ACBD5: variants seen among roughly 807,000 people sequenced by gnomAD.
ACBD5 encodes acyl-CoA binding domain containing 5.
In ACBD5, 40 loss-of-function variants were observed where a neutral mutation model predicts 71.8. That is an observed-to-expected ratio of 0.56 (90% CI 0.43 to 0.72). ACBD5 has a LOEUF of 0.72. ACBD5 is among the 30% of genes least tolerant of loss of function. ACBD5 has a pLI of 0.00. For synonymous variants in ACBD5, 229 were observed against 218.6 expected, an observed-to-expected ratio of 1.05 and a Z score of -0.42; for missense variants, 559 against 644.5, an observed-to-expected ratio of 0.87 and a Z score of 1.44.
chr10:27,232,050 A>C (rs1334766962), intron 3 of ACBD5, among the ~76,000 whole-genome samples: 1 of 152,188 alleles, frequency 6.6e-6, no homozygotes, highest in Non-Finnish European at 1.5e-5. Flanking sequence ...GTAGTAATGT[A>C]CCAGAGACTA....
intron 12 of ACBD5, among the ~76,000 whole-genome samples, chr10:27,200,540 G>A (rs1431570106): frequency 1.3e-5 from 2 of 151,914 alleles, no homozygotes; most frequent in Non-Finnish European, 2.9e-5. Context: ...TGCCTCCTGG[G>A]TTCAAGCAAT....
chr10:27,210,386 T>C (rs558226579), intron 9 of ACBD5, among the ~76,000 whole-genome samples: 10 of 152,188 alleles, frequency 6.6e-5, no homozygotes, highest in Non-Finnish European at 1.2e-4. Flanking sequence ...AAGACTTCTA[T>C]TGTTGTATCT....
At chr10:27,234,027 A>G (rs1011159987) in intron 3 of ACBD5, among the ~76,000 whole-genome samples, 1 of 152,162 alleles carries the variant, frequency 6.6e-6, no homozygotes, top group African/African-American at 2.4e-5. Context: ...CTGGGCAACA[A>G]GAGTGAAACT....
At chr10:27,230,244 T>C (rs1418485792) in intron 4 of ACBD5, among the ~76,000 whole-genome samples, 1 of 151,782 alleles carries the variant, frequency 6.6e-6, no homozygotes, top group African/African-American at 2.4e-5. Flanking sequence ...TTACAAAGTC[T>C]ACCAAATAAA....
chr10:27,213,565 C>A (rs1181577667), intron 8 of ACBD5, among the ~76,000 whole-genome samples: 2 of 152,140 alleles, frequency 1.3e-5, no homozygotes, highest in Non-Finnish European at 2.9e-5. Flanking sequence ...CGAGACCAGC[C>A]TGACCAACAT....
chr10:27,217,532 A>T (rs1479145617), intron 7 of ACBD5, among the ~76,000 whole-genome samples: 1 of 151,704 alleles, frequency 6.6e-6, no homozygotes, highest in East Asian at 2.0e-4. Context: ...AAATTAAAAA[A>T]TAAGCCAGTG....
downstream of ACBD5, among the ~76,000 whole-genome samples, chr10:27,194,621 T>TAATAATAATAAG (rs1654495216): frequency 1.4e-5 from 2 of 140,654 alleles, no homozygotes; most frequent in African/African-American, 2.9e-5. Context: ...CAAATAATAA[T>TAATAATAATAAG]AATAATAATA....
At chr10:27,199,689 C>T (rs1469513328) in intron 12 of ACBD5, among the ~76,000 whole-genome samples, 1 of 152,150 alleles carries the variant, frequency 6.6e-6, no homozygotes, top group East Asian at 1.9e-4. Context: ...AGACCCTCCC[C>T]ACTCCCAACA....
chr10:27,207,286 C>CAATAATAATA (rs2060566535), intron 10 of ACBD5, among the ~76,000 whole-genome samples: 4 of 146,078 alleles, frequency 2.7e-5, no homozygotes, highest in African/African-American at 1.0e-4. Flanking sequence ...AAAAAAAACC[C>CAATAATAATA]ATAATAATAA....
Position 27,217,996 on chromosome 10 carries a change from AGCAGATTTTCCAGTTT to A in ACBD5, c.797_812del (p.Gln266LeufsTer8). 6.2e-7 allele frequency: 1 copy of A among 1,614,164 alleles called. No homozygotes were observed. The highest frequency in any genetic ancestry group is 8.5e-7 in the Non-Finnish European group (1 of 1,180,000). On this transcript the variant is annotated frameshift_variant, in exon 7 of 13. Transcript: ENST00000396271. LOFTEE classifies it high-confidence loss of function. ...GGACAATACCTTGGTGAATGCAAAC[AGCAGATTTTCCAGTTT>A]GCCCCAAGTTTTCATCAATGGGCTT...
At chr10:27,206,859 GATCTGA>G (rs1188347510) in intron 10 of ACBD5, among the ~76,000 whole-genome samples, 2 of 152,018 alleles carry the variant, frequency 1.3e-5, no homozygotes, top group Non-Finnish European at 2.9e-5. Flanking sequence ...CCTTCTTGAG[GATCTGA>G]TGAAGACAAC....
At chr10:27,200,003 G>A (rs2059753662) in intron 12 of ACBD5, among the ~76,000 whole-genome samples, 1 of 151,450 alleles carries the variant, frequency 6.6e-6, no homozygotes, top group Admixed American at 6.6e-5. Context: ...AAAAAAAAAA[G>A]GAAAACTGGT....
At chr10:27,223,842 C>A (rs1376548012) in intron 4 of ACBD5, among the ~76,000 whole-genome samples, 1 of 151,594 alleles carries the variant, frequency 6.6e-6, no homozygotes, top group African/African-American at 2.4e-5. Flanking sequence ...CCTGGGAGGT[C>A]GAGGCTACAG....
At chr10:27,207,614 T>C (rs1390690246) in intron 10 of ACBD5, among the ~76,000 whole-genome samples, 1 of 152,218 alleles carries the variant, frequency 6.6e-6, no homozygotes, top group African/African-American at 2.4e-5. Context: ...TAACAAATGT[T>C]ACTCAAGAAG....
chr10:27,228,808 T>TAG (rs2063439389), intron 4 of ACBD5, among the ~76,000 whole-genome samples: 1 of 5,214 alleles, frequency 1.9e-4, no homozygotes, highest in Non-Finnish European at 5.8e-4. Flanking sequence ...TATATATATA[T>TAG]ATATATATTT....
At chr10:27,206,059 A>G (rs944397240) in intron 10 of ACBD5, among the ~76,000 whole-genome samples, 5 of 151,564 alleles carry the variant, frequency 3.3e-5, no homozygotes, top group Admixed American at 6.6e-5. Flanking sequence ...CACCAAGCCT[A>G]GCTATTTTAA....
intron 4 of ACBD5, among the ~76,000 whole-genome samples, chr10:27,223,752 T>A (rs1337405799): frequency 6.6e-6 from 1 of 151,508 alleles, no homozygotes; most frequent in African/African-American, 2.4e-5. Flanking sequence ...AAAAATTTTT[T>A]AAAAAACATT....
At chr10:27,239,932 G>C (rs1319222069) in intron 2 of ACBD5, among the ~76,000 whole-genome samples, 1 of 152,178 alleles carries the variant, frequency 6.6e-6, no homozygotes, top group African/African-American at 2.4e-5. Context: ...TTTTTTAGTA[G>C]AGACGGGGTT....
chr10:27,188,842 T>C (rs1332794758), intron 13 of ACBD5, among the ~76,000 whole-genome samples: 2 of 152,224 alleles, frequency 1.3e-5, no homozygotes, highest in Non-Finnish European at 2.9e-5. Flanking sequence ...GATGTATATG[T>C]GTGCATGCAC....
Sources: allele counts gnomAD v4.1 joint callset (sites outside exome capture counted in the v4.1 genomes callset), GRCh38; gene constraint gnomAD v4.1.1; transcripts MANE v1.5; gene names NCBI Gene and HGNC (gene_info 2026-07-23, HGNC 2026-07-21).